The following ZFAND3 variants were observed in gnomAD, a reference collection of about 807,000 sequenced individuals.
ZFAND3 encodes AN1-type zinc finger protein 3.
A neutral mutation model predicts 29.6 loss-of-function variants in ZFAND3; 10 were observed. That is an observed-to-expected ratio of 0.34 (90% CI 0.21 to 0.57). The LOEUF (loss-of-function observed/expected upper bound fraction) is 0.57, where lower values mean the gene tolerates loss of function less well. ZFAND3 is among the 20% of genes least tolerant of loss of function. ZFAND3 has a pLI of 0.86. For missense variants in ZFAND3, 230 were observed against 304.5 expected, an observed-to-expected ratio of 0.76 and a Z score of 1.82; for synonymous variants, 128 against 112.6, an observed-to-expected ratio of 1.14 and a Z score of -0.87.
At chr6:37,845,967 C>G (rs933350009) in intron 1 of ZFAND3, among the ~76,000 whole-genome samples, 1 of 152,124 alleles carries the variant, frequency 6.6e-6, no homozygotes, top group African/African-American at 2.4e-5. Context: ...TTGCACTGCC[C>G]TGCATCCTGG....
At chr6:37,989,332 CATA>C (rs1390887473) in intron 2 of ZFAND3, among the ~76,000 whole-genome samples, 2 of 152,196 alleles carry the variant, frequency 1.3e-5, no homozygotes, top group Non-Finnish European at 2.9e-5. Context: ...ATTTATTCCT[CATA>C]ATACTACTGA....
rs33984396 is a variant in ZFAND3, at chr6:37,985,529, C to CACACACACACA, written c.112+55530_112+55531insACACACACACA. ...CACACACACACACACACACACACAC[C>CACACACACACA]CCCACACACGCCTGGTGGCACGTGC... On this transcript the variant is annotated intron_variant, in intron 2 of 5. Transcript: ENST00000287218. Among the ~76,000 whole-genome samples the CACACACACACA allele has an allele frequency of 8.7e-3, 785 of 89,744 alleles. 3 individuals are homozygous for CACACACACACA. Among genetic ancestry groups the CACACACACACA allele is most frequent in the African/African-American group, 0.027 (729 of 27,456 alleles). 58.9% of individuals were successfully genotyped at this position (89,744 alleles called of 152,430 possible).
intron 3 of ZFAND3, among the ~76,000 whole-genome samples, chr6:38,074,468 A>G (rs931198412): frequency 4.6e-5 from 7 of 152,202 alleles, no homozygotes; most frequent in Admixed American, 4.6e-4. Context: ...TAAGCTTTAA[A>G]AGTTCTCAAG....
chr6:38,141,552 A>G (rs1213288601), intron 5 of ZFAND3, among the ~76,000 whole-genome samples: 1 of 152,218 alleles, frequency 6.6e-6, no homozygotes, highest in Non-Finnish European at 1.5e-5. Flanking sequence ...ATCTTCAGAA[A>G]TTTTTACTTA....
At chr6:38,137,239 TA>T (rs769254118) in intron 5 of ZFAND3, among the ~76,000 whole-genome samples, 39 of 152,168 alleles carry the variant, frequency 2.6e-4, no homozygotes, top group Non-Finnish European at 4.1e-4. Context: ...GTTAGGAAAG[TA>T]AACGTGCTAC....
chr6:37,834,379 TAC>T (rs1763924330), intron 1 of ZFAND3, among the ~76,000 whole-genome samples: 1 of 152,204 alleles, frequency 6.6e-6, no homozygotes. Flanking sequence ...TGAATTATAC[TAC>T]AGTTTATCCA....
chr6:38,144,548 C>G (rs1581957988), intron 5 of ZFAND3, among the ~76,000 whole-genome samples: 1 of 152,372 alleles, frequency 6.6e-6, no homozygotes, highest in East Asian at 1.9e-4. Context: ...TCTGCGCAGA[C>G]AGCAGCGTGC....
At chr6:37,963,784 C>G (rs140618794) in intron 2 of ZFAND3, among the ~76,000 whole-genome samples, 108 of 152,204 alleles carry the variant, frequency 7.1e-4, no homozygotes, top group African/African-American at 2.5e-3. Context: ...TAAAGATGTT[C>G]TATTGATCTA....
chr6:37,917,910 A>G (rs1761289009), intron 1 of ZFAND3, among the ~76,000 whole-genome samples: 1 of 152,214 alleles, frequency 6.6e-6, no homozygotes, highest in South Asian at 2.1e-4. Context: ...CATTTAAAAA[A>G]TATGTCAGTG....
chr6:37,944,803 G>C (rs1256909029), intron 2 of ZFAND3, among the ~76,000 whole-genome samples: 1 of 152,202 alleles, frequency 6.6e-6, no homozygotes, highest in Non-Finnish European at 1.5e-5. Context: ...TCAGGCTCTT[G>C]ACAGTGTCTT....
intron 1 of ZFAND3, among the ~76,000 whole-genome samples, chr6:37,857,563 G>T (rs1764407762): frequency 6.6e-6 from 1 of 152,180 alleles, no homozygotes; most frequent in Non-Finnish European, 1.5e-5. Context: ...TCATTGAAAT[G>T]ATGTGTGATT....
intron 1 of ZFAND3, among the ~76,000 whole-genome samples, chr6:37,908,011 T>C (rs913574440): frequency 9.9e-5 from 15 of 152,166 alleles, no homozygotes; most frequent in South Asian, 4.1e-4. Context: ...TATTGAAACT[T>C]GTCCCAAAAA....
At chr6:37,895,626 A>G (rs1360729873) in intron 1 of ZFAND3, among the ~76,000 whole-genome samples, 1 of 151,000 alleles carries the variant, frequency 6.6e-6, no homozygotes, top group Non-Finnish European at 1.5e-5. Context: ...ATTCTGGATC[A>G]CTTTTGATTG....
intron 2 of ZFAND3, among the ~76,000 whole-genome samples, chr6:37,976,989 C>T (rs1253916405): frequency 1.3e-5 from 2 of 152,118 alleles, no homozygotes; most frequent in African/African-American, 4.8e-5. Flanking sequence ...TCTTTCTCTC[C>T]ACTTTAGATA....
At chr6:37,989,518 C>T (rs1005551214) in intron 2 of ZFAND3, among the ~76,000 whole-genome samples, 1 of 152,140 alleles carries the variant, frequency 6.6e-6, no homozygotes, top group African/African-American at 2.4e-5. Context: ...AGAACTCTAC[C>T]TTCATGACCT....
chr6:37,982,778 C>A (rs2395690), intron 2 of ZFAND3, among the ~76,000 whole-genome samples: 1,862 of 152,242 alleles, frequency 0.012, 33 homozygotes, highest in African/African-American at 0.043. Context: ...TAGCCTCAGG[C>A]AACTCCTTCG....
At chr6:38,145,432 T>G (rs1332042902) in intron 5 of ZFAND3, among the ~76,000 whole-genome samples, 1 of 152,220 alleles carries the variant, frequency 6.6e-6, no homozygotes, top group Non-Finnish European at 1.5e-5. Context: ...TTGTGGCACC[T>G]TTGCCTAATT....
At chr6:37,845,690 T>C (rs1384172768) in intron 1 of ZFAND3, among the ~76,000 whole-genome samples, 1 of 152,186 alleles carries the variant, frequency 6.6e-6, no homozygotes, top group African/African-American at 2.4e-5. Context: ...CCTCAGAGAC[T>C]TGCTAGGCTG....
chr6:37,994,015 G>T (rs995842707), intron 2 of ZFAND3, among the ~76,000 whole-genome samples: 1 of 151,990 alleles, frequency 6.6e-6, no homozygotes, highest in Non-Finnish European at 1.5e-5. Context: ...TCATAGGACC[G>T]GTAAAAGAAT....
Sources: allele counts gnomAD v4.1 joint callset (sites outside exome capture counted in the v4.1 genomes callset), GRCh38; gene constraint gnomAD v4.1.1; transcripts MANE v1.5; gene names NCBI Gene and HGNC (gene_info 2026-07-23, HGNC 2026-07-21).